DPYSL5: variants seen among roughly 807,000 people sequenced by gnomAD.
The protein encoded by DPYSL5 is dihydropyrimidinase-related protein 5.
In DPYSL5, 9 loss-of-function variants were observed where a neutral mutation model predicts 58.4. That is an observed-to-expected ratio of 0.15 (90% CI 0.09 to 0.27). The LOEUF (loss-of-function observed/expected upper bound fraction) is 0.27, where lower values mean the gene tolerates loss of function less well. Ranked by LOEUF, DPYSL5 falls within the 10% of genes least tolerant of loss-of-function variation. DPYSL5 has a pLI of 1.00. For missense variants in DPYSL5, 499 were observed against 770.6 expected (o/e 0.65, Z 4.17); for synonymous variants, 293 against 301.9 (o/e 0.97, Z 0.31).
In DPYSL5 at chr2:26,877,028, G is replaced by A. The variant is rs1306513199; in HGVS notation, c.-4-21468G>A. ...TGTCCCCTGGCTGGAGTGCAATGGC[G>A]TGATCTTGGCTCCCTGCAACCTCCG... On this transcript the variant is annotated intron_variant, in intron 1 of 12. Transcript: ENST00000288699. The surrounding 1 kb of genome is among the most constrained non-coding windows in gnomAD (Gnocchi z 4.1). Among the ~76,000 whole-genome samples the A allele has an allele frequency of 2.1e-5, 3 of 141,174 alleles. No homozygotes were observed. Among genetic ancestry groups the A allele is most frequent in the African/African-American group, 5.3e-5 (2 of 37,622 alleles). The allele number at this position is 141,174 out of a possible 152,430, so 92.6% of individuals were successfully genotyped here. A position where few individuals can be genotyped will look rare whatever the true frequency, so the allele number is the denominator to read the frequency against.
Position 26,849,567 on chromosome 2 carries a change from C to T in DPYSL5, c.-5+1313C>T, listed in dbSNP as rs1317980597. 1.3e-5 allele frequency among the ~76,000 whole-genome samples: 2 copies of T among 152,150 alleles called. No individual in the cohort carries two copies. Among genetic ancestry groups the T allele is most frequent in the African/African-American group, 4.8e-5 (2 of 41,444 alleles). ...ACTCGCTTAGGGTTTTGTGATCTTC[C>T]GCGGCGCCCACGGCACGCCCTTTTC... On this transcript the variant is annotated intron_variant, in intron 1 of 12. Transcript: ENST00000288699. The surrounding 1 kb of genome is among the most constrained non-coding windows in gnomAD (Gnocchi z 6.2).
chr2:26,922,304 G>A (rs570240357), intron 2 of DPYSL5, among the ~76,000 whole-genome samples: 1 of 152,228 alleles, frequency 6.6e-6, no homozygotes, highest in Non-Finnish European at 1.5e-5. Context: ...CGTGTGGGCT[G>A]GGGGCAGGCA....
intron 1 of DPYSL5, among the ~76,000 whole-genome samples, chr2:26,873,353 C>T (rs1027529117): frequency 7.9e-5 from 12 of 152,172 alleles, no homozygotes; most frequent in Admixed American, 3.9e-4. Context: ...CCACCACCTC[C>T]GCTCGTGCTC....
intron 2 of DPYSL5, among the ~76,000 whole-genome samples, chr2:26,917,362 G>A (rs1178888444): frequency 6.6e-6 from 1 of 152,188 alleles, no homozygotes; most frequent in Non-Finnish European, 1.5e-5. Flanking sequence ...AAACCTGTCA[G>A]CTTCAGGATG....
chr2:26,887,758 G>A lies in DPYSL5; in HGVS notation c.-4-10738G>A, dbSNP rs180964699. The stretch of plus-strand genomic sequence containing the variant: ...AACATGGAGAGGCTTTCTCATGAAA[G>A]ACTGCACTCCCTAGTTACAGTATTG... On this transcript the variant is annotated intron_variant, in intron 1 of 12. Transcript: ENST00000288699. Among the ~76,000 whole-genome samples the A allele has an allele frequency of 6.0e-5, 9 of 149,538 alleles. No homozygotes were observed. The East Asian group carries it at 1.5e-3, about 26-fold the overall frequency.
intron 8 of DPYSL5, among the ~76,000 whole-genome samples, chr2:26,936,689 C>A (rs919564830): frequency 6.6e-6 from 1 of 151,676 alleles, no homozygotes; most frequent in African/African-American, 2.4e-5. Flanking sequence ...TGGTGGCTCG[C>A]ACCTGTAATC....
At chr2:26,895,647 T>C (rs1216955621) in intron 1 of DPYSL5, among the ~76,000 whole-genome samples, 1 of 152,174 alleles carries the variant, frequency 6.6e-6, no homozygotes. Context: ...AGTCACCATG[T>C]TGTACAATAG....
At position 26,877,212 on chromosome 2, in the gene DPYSL5, G is replaced by A. The variant is rs778209795; in HGVS notation, c.-4-21284G>A. The stretch of plus-strand genomic sequence containing the variant: ...AACTCCTGACCTCAGGTGATCTGCC[G>A]GCCTCCGCCTCCCAAAGTGCTGGGA... On this transcript the variant is annotated intron_variant, in intron 1 of 12. Coordinates refer to ENST00000288699, the MANE Select transcript of DPYSL5 (RefSeq NM_020134.4). The surrounding 1 kb of genome is among the most constrained non-coding windows in gnomAD (Gnocchi z 4.1). 2.7e-5 allele frequency among the ~76,000 whole-genome samples: 4 copies of A among 149,168 alleles called. No individual in the cohort carries two copies. The highest frequency in any genetic ancestry group is 2.0e-4 in the East Asian group (1 of 4,944).
Position 26,898,679 on chromosome 2 carries a change from T to C in DPYSL5, c.180T>C (p.Pro60=). 6.2e-7 allele frequency: 1 copy of C among 1,614,166 alleles called. No homozygotes were observed. Among genetic ancestry groups the C allele is most frequent in the South Asian group, 1.1e-5 (1 of 91,076 alleles). The change falls in exon 2 of 13, where the codon CCT becomes CCC. Residue 60 remains proline (P), a synonymous_variant. Coordinates refer to ENST00000288699, the MANE Select transcript of DPYSL5 (RefSeq NM_020134.4). This position sits in a 1 kb window ranked among gnomAD's most constrained non-coding sequence, Gnocchi z 6.1. ...ATGCCACAGGAAAACTGGTGATCCC[T>C]GGTGGCATCGACACCAGCACCCACT... ...VIDATGKLVI[P]GGIDTSTHFH...
At chr2:26,946,080 G>C (rs1665473040) in intron 12 of DPYSL5, among the ~76,000 whole-genome samples, 1 of 152,150 alleles carries the variant, frequency 6.6e-6, no homozygotes, top group Non-Finnish European at 1.5e-5. Flanking sequence ...AGTCAGAAAG[G>C]GACCCTGGCA....
Position 26,947,164 on chromosome 2 carries a change from G to T in DPYSL5, c.*169G>T, listed in dbSNP as rs993547812. On this transcript the variant is annotated 3_prime_UTR_variant, in exon 13 of 13. Coordinates refer to ENST00000288699, the MANE Select transcript of DPYSL5 (RefSeq NM_020134.4). The surrounding 1 kb of genome is among the most constrained non-coding windows in gnomAD (Gnocchi z 4.2). ...TCTGCAAAGTGATTCACTGTGCTTCGAGCCAACTCTAACAGGCACTTTGAG... is the reference window on the plus strand; with the variant it reads ...TCTGCAAAGTGATTCACTGTGCTTCTAGCCAACTCTAACAGGCACTTTGAG... 2 of 591,084 alleles carry T rather than the reference G, an allele frequency of 3.4e-6. No individual in the cohort carries two copies. The highest frequency in any genetic ancestry group is 4.0e-5 in the South Asian group (2 of 49,454). 36.6% of individuals were successfully genotyped at this position (591,084 alleles called of 1,614,324 possible). A position where few individuals can be genotyped will look rare whatever the true frequency, so the allele number is the denominator to read the frequency against.
chr2:26,932,157 A>C (rs186355631), intron 6 of DPYSL5, among the ~76,000 whole-genome samples: 1,337 of 60,372 alleles, frequency 0.022, 76 homozygotes, highest in Admixed American at 0.11. Context: ...GAAAGAAAGA[A>C]AGAAAGAAAG....
intron 1 of DPYSL5, among the ~76,000 whole-genome samples, chr2:26,862,738 C>T (rs766690318): frequency 6.6e-6 from 1 of 152,182 alleles, no homozygotes; most frequent in Non-Finnish European, 1.5e-5. Flanking sequence ...GCACATCCAG[C>T]CTCTGTGTGG....
intron 2 of DPYSL5, among the ~76,000 whole-genome samples, chr2:26,908,348 T>C (rs1243684396): frequency 1.3e-5 from 2 of 152,220 alleles, no homozygotes; most frequent in Admixed American, 6.5e-5. Context: ...TTTTCTGTCT[T>C]CTCTCTTTCT....
chr2:26,882,013 C>T (rs1166855322), intron 1 of DPYSL5, among the ~76,000 whole-genome samples: 2 of 146,988 alleles, frequency 1.4e-5, no homozygotes, highest in South Asian at 2.1e-4. Context: ...ATGGCGTGAA[C>T]GCGGGAGGCA....
Position 26,858,237 on chromosome 2 carries a change from T to C in DPYSL5, c.-5+9983T>C, listed in dbSNP as rs909334162. ...CCCAGGCTGGAGTGCAGAGGCGCGATCTCGGCTCACTGCAAGCTCCGCCTC... is the reference window on the plus strand; with the variant it reads ...CCCAGGCTGGAGTGCAGAGGCGCGACCTCGGCTCACTGCAAGCTCCGCCTC... On this transcript the variant is annotated intron_variant, in intron 1 of 12. Coordinates refer to ENST00000288699, the MANE Select transcript of DPYSL5 (RefSeq NM_020134.4). 6.2e-5 allele frequency among the ~76,000 whole-genome samples: 8 copies of C among 128,184 alleles called. No homozygotes were observed. The Admixed American group carries it at 6.9e-4, about 11-fold the overall frequency. 84.1% of individuals were successfully genotyped at this position (128,184 alleles called of 152,430 possible).
rs1461151688 is a variant in DPYSL5, at chr2:26,888,881, G to T, written c.-4-9615G>T. 2.0e-5 allele frequency among the ~76,000 whole-genome samples: 3 copies of T among 152,120 alleles called. No homozygotes were observed. In the East Asian group the frequency reaches 5.8e-4, roughly 29 times the overall value. On this transcript the variant is annotated intron_variant, in intron 1 of 12. Transcript: ENST00000288699. ...AAACAACAGAAATTTATTCCTCACA[G>T]TTCTGAAGGCTGGGAAGTCCAAGAT... is the stretch of plus-strand genomic sequence containing the variant.
At chr2:26,939,847 T>G in intron 8 of DPYSL5, 184 bp from the exon 9 acceptor site, 1 of 669,110 alleles carries the variant, frequency 1.5e-6, no homozygotes, top group East Asian at 2.8e-5. Flanking sequence ...ATTCTGTAGA[T>G]GAGTAAACTG....
intron 1 of DPYSL5, among the ~76,000 whole-genome samples, chr2:26,870,244 G>A (rs1663227224): frequency 6.6e-6 from 1 of 151,984 alleles, no homozygotes; most frequent in Non-Finnish European, 1.5e-5. Flanking sequence ...GAGTCGTTTT[G>A]TCCTGTTCCA....
Sources: allele counts gnomAD v4.1 joint callset (sites outside exome capture counted in the v4.1 genomes callset), GRCh38; gene constraint gnomAD v4.1.1; non-coding constraint Gnocchi (gnomAD v3.1); transcripts MANE v1.5; gene names NCBI Gene and HGNC (gene_info 2026-07-23, HGNC 2026-07-21).